Variants in DECR1 observed in about 807,000 individuals in gnomAD.
The protein encoded by DECR1 is 2,4-dienoyl-CoA reductase 1, also known as 2,4-dienoyl-CoA reductase [(3E)-enoyl-CoA-producing], mitochondrial.
In DECR1, 44 loss-of-function variants were observed where a neutral mutation model predicts 38.8. The observed-to-expected ratio is 1.13, with a 90% CI of 0.89 to 1.46. DECR1 has a LOEUF of 1.46. Among genes scored for constraint, DECR1 ranks in the 40% most tolerant of loss-of-function variants. DECR1 has a pLI of 0.00. For missense variants in DECR1, 428 were observed against 405.5 expected (o/e 1.06, Z -0.48); for synonymous variants, 148 against 135.2 (o/e 1.09, Z -0.66).
At chr8:90,050,706 T>G (rs752242762) in intron 8 of DECR1, among the ~76,000 whole-genome samples, 7 of 152,216 alleles carry the variant, frequency 4.6e-5, no homozygotes, top group East Asian at 1.9e-4. Context: ...ATCATGGTGC[T>G]ATAAAGACAC....
In DECR1 at chr8:90,031,691, A is replaced by G. The variant is rs897207183; in HGVS notation, c.566-5150A>G. 5.5e-4 allele frequency among the ~76,000 whole-genome samples: 83 copies of G among 152,198 alleles called. 2 individuals are homozygous for G. The highest frequency in any genetic ancestry group is 3.4e-3 in the Middle Eastern group (1 of 292). ...CTGTGCCCTCATCAAAAAGACAGAG[A>G]AGTTTGTCTTCTTACCATGATTGTC... On this transcript the variant is annotated intron_variant, in intron 5 of 9. Coordinates refer to ENST00000220764, the MANE Select transcript of DECR1 (RefSeq NM_001359.2).
At chr8:90,003,196 G>A (rs1047214729) in intron 1 of DECR1, 5 of 152,202 alleles carry the variant, frequency 3.3e-5, no homozygotes, top group African/African-American at 1.2e-4. Context: ...CATCTGTGAT[G>A]TGGGAGGTTG....
chr8:90,008,447 A>T (rs1281711575), intron 1 of DECR1, among the ~76,000 whole-genome samples: 1 of 152,182 alleles, frequency 6.6e-6, no homozygotes, highest in East Asian at 1.9e-4. Flanking sequence ...TCTGGCTCAC[A>T]TTTAAATCTT....
At chr8:90,036,762 C>T in intron 5 of DECR1, 79 bp from the exon 6 acceptor site, 1 of 922,152 alleles carries the variant, frequency 1.1e-6, no homozygotes, top group Non-Finnish European at 1.7e-6. Flanking sequence ...AATCAGATCC[C>T]ATTTTTATAA....
At chr8:90,048,380 A>T (rs1413087566) in intron 8 of DECR1, among the ~76,000 whole-genome samples, 2 of 152,210 alleles carry the variant, frequency 1.3e-5, no homozygotes, top group Non-Finnish European at 2.9e-5. Context: ...CAGAGATACA[A>T]ACTCCCATCA....
chr8:90,031,446 T>C (rs1813491139), intron 5 of DECR1, among the ~76,000 whole-genome samples: 1 of 152,168 alleles, frequency 6.6e-6, no homozygotes, highest in African/African-American at 2.4e-5. Flanking sequence ...ATATCCCTTC[T>C]TACTATAATT....
At chr8:90,005,330 A>T (rs1563611785) in intron 1 of DECR1, 1 of 456,290 alleles carries the variant, frequency 2.2e-6, no homozygotes, top group Non-Finnish European at 4.4e-6. Flanking sequence ...AGAAGAGCTG[A>T]TTCCTGCTGT....
chr8:90,006,266 C>T (rs1488245798), intron 1 of DECR1: 1 of 704,064 alleles, frequency 1.4e-6, no homozygotes, highest in South Asian at 1.5e-5. Flanking sequence ...GCATCTCCTG[C>T]TCATGGGGGA....
At chr8:90,014,866 TGAA>T (rs1255048719) in intron 1 of DECR1, among the ~76,000 whole-genome samples, 1 of 152,130 alleles carries the variant, frequency 6.6e-6, no homozygotes, top group African/African-American at 2.4e-5. Flanking sequence ...GTAATAGTTC[TGAA>T]GGCAGGTGGC....
chr8:90,004,541 G>A (rs1469093761), intron 1 of DECR1, among the ~76,000 whole-genome samples: 1 of 152,156 alleles, frequency 6.6e-6, no homozygotes, highest in Non-Finnish European at 1.5e-5. Context: ...AGGATGGATA[G>A]GCATAATTTT....
chr8:90,036,292 A>G (rs1813615249), intron 5 of DECR1, among the ~76,000 whole-genome samples: 1 of 151,898 alleles, frequency 6.6e-6, no homozygotes, highest in Admixed American at 6.6e-5. Flanking sequence ...TTCCATCTAT[A>G]TAGTATCTTT....
intron 5 of DECR1, among the ~76,000 whole-genome samples, chr8:90,033,218 A>G (rs1251077650): frequency 6.6e-6 from 1 of 152,190 alleles, no homozygotes; most frequent in Non-Finnish European, 1.5e-5. Flanking sequence ...TTGAAATTAG[A>G]TCATAATCTT....
At chr8:90,019,629 G>A (rs1196561624) in intron 4 of DECR1, among the ~76,000 whole-genome samples, 2 of 152,210 alleles carry the variant, frequency 1.3e-5, no homozygotes, top group Non-Finnish European at 2.9e-5. Flanking sequence ...ATGGTGCATT[G>A]GTGGGTATGT....
At chr8:90,040,224 T>G (rs1178469230) in intron 6 of DECR1, among the ~76,000 whole-genome samples, 2 of 152,186 alleles carry the variant, frequency 1.3e-5, no homozygotes, top group East Asian at 3.8e-4. Flanking sequence ...ACACTATAAA[T>G]AAATGCCCAG....
chr8:90,016,628 A>G (rs1034072235), intron 1 of DECR1: 1 of 159,306 alleles, frequency 6.3e-6, no homozygotes. Context: ...ACAGAGCGAG[A>G]CTCCATCTCA....
chr8:90,040,403 G>A lies in DECR1; in HGVS notation c.666-2325G>A, dbSNP rs557059548. 8.5e-5 allele frequency among the ~76,000 whole-genome samples: 13 copies of A among 152,234 alleles called. No individual in the cohort carries two copies. The South Asian group carries it at 2.7e-3, about 32-fold the overall frequency. On this transcript the variant is annotated intron_variant, in intron 6 of 9. Coordinates refer to ENST00000220764, the MANE Select transcript of DECR1 (RefSeq NM_001359.2). ...ACGTGTACCCTATTCTGTAGAACTG[G>A]TTTTACTGAATTGGCCTTTGAAATG...
At chr8:90,020,835 C>A in intron 4 of DECR1, 74 bp from the exon 5 acceptor site, 1 of 1,251,344 alleles carries the variant, frequency 8.0e-7, no homozygotes, top group Non-Finnish European at 1.1e-6. Flanking sequence ...TAATACATTT[C>A]AGAAAAAAAA....
At chr8:90,046,127 C>T (rs984680465) in intron 8 of DECR1, among the ~76,000 whole-genome samples, 3 of 152,226 alleles carry the variant, frequency 2.0e-5, no homozygotes, top group Non-Finnish European at 4.4e-5. Flanking sequence ...CAGAGCGCCT[C>T]TTCTCTTCCA....
rs537201951 is a variant in DECR1, at chr8:90,044,606, A to G, written c.739-243A>G. ...ATTTTTTCATTTGATGCTTATAACA[A>G]TTTTGTGAGGTAACTAAGATAGATA... On this transcript the variant is annotated intron_variant, in intron 7 of 9. Coordinates refer to ENST00000220764, the MANE Select transcript of DECR1 (RefSeq NM_001359.2). Among the ~76,000 whole-genome samples, 38 of 152,342 alleles carry G rather than the reference A, an allele frequency of 2.5e-4. No homozygotes were observed. The highest frequency in any genetic ancestry group is 7.9e-4 in the African/African-American group (33 of 41,582).
Sources: gnomAD v4.1 joint callset for allele counts (sites outside exome capture counted in the v4.1 genomes callset) on GRCh38, gnomAD v4.1.1 for gene constraint, MANE v1.5 for transcripts, NCBI Gene and HGNC (gene_info 2026-07-23, HGNC 2026-07-21) for gene names.